Variants in TDRD3 observed in about 807,000 individuals in gnomAD.
TDRD3 encodes tudor domain containing 3, also known as tudor domain-containing protein 3.
TDRD3 carries 45 observed loss-of-function variants against 86.7 expected under a neutral mutation model. The ratio of observed to expected loss-of-function variants is 0.52; its 90% CI spans 0.41 to 0.67. The LOEUF (loss-of-function observed/expected upper bound fraction) is 0.67. TDRD3 is among the 30% of genes least tolerant of loss of function. The pLI, the probability that TDRD3 is intolerant of heterozygous loss-of-function variation, is 0.00. For missense variants in TDRD3, 814 were observed against 889.0 expected (o/e 0.92, Z 1.07); for synonymous variants, 298 against 301.7 (o/e 0.99, Z 0.13).
intron 13 of TDRD3, among the ~76,000 whole-genome samples, chr13:60,572,624 A>T (rs1437568234): frequency 1.3e-5 from 2 of 152,170 alleles, no homozygotes; most frequent in Non-Finnish European, 2.9e-5. Context: ...AGTTAAATAA[A>T]CGCTGACTCA....
At chr13:60,491,725 C>A (rs1323592676) in intron 7 of TDRD3, among the ~76,000 whole-genome samples, 3 of 151,904 alleles carry the variant, frequency 2.0e-5, no homozygotes, top group Non-Finnish European at 4.4e-5. Flanking sequence ...TAAAGTATGA[C>A]CATGCATTTA....
chr13:60,426,217 A>G (rs749503010), intron 1 of TDRD3, among the ~76,000 whole-genome samples: 1 of 152,224 alleles, frequency 6.6e-6, no homozygotes, highest in Non-Finnish European at 1.5e-5. Context: ...GTGCAATATT[A>G]TAAACCAAAA....
intron 2 of TDRD3, among the ~76,000 whole-genome samples, chr13:60,442,874 A>G (rs1698160165): frequency 6.6e-6 from 1 of 151,866 alleles, no homozygotes. Flanking sequence ...AAAGTTTAGG[A>G]TTTTTGTCTA....
intron 1 of TDRD3, among the ~76,000 whole-genome samples, chr13:60,406,020 A>G (rs185256585): frequency 6.6e-4 from 100 of 152,326 alleles, no homozygotes; most frequent in Non-Finnish European, 1.2e-3. Flanking sequence ...ATCAATTACA[A>G]TTCAGTTAGG....
intron 1 of TDRD3, among the ~76,000 whole-genome samples, chr13:60,398,375 GGAGA>G (rs746105989): frequency 2.6e-5 from 4 of 152,176 alleles, no homozygotes; most frequent in Non-Finnish European, 4.4e-5. Flanking sequence ...GGAATGGGAG[GGAGA>G]GTTACTTTCC....
At chr13:60,502,426 A>G (rs1956854204) in intron 8 of TDRD3, among the ~76,000 whole-genome samples, 1 of 152,214 alleles carries the variant, frequency 6.6e-6, no homozygotes, top group African/African-American at 2.4e-5. Flanking sequence ...TATTTTTGGT[A>G]AAAACAAATT....
chr13:60,456,836 C>T (rs761756934), intron 3 of TDRD3, among the ~76,000 whole-genome samples: 4 of 152,078 alleles, frequency 2.6e-5, no homozygotes, highest in Non-Finnish European at 4.4e-5. Flanking sequence ...GCTGCGGCTA[C>T]AAGCACACAC....
chr13:60,444,778 ATTAAT>A, intron 3 of TDRD3, 30 bp downstream of exon 3: 1 of 1,255,306 alleles, frequency 8.0e-7, no homozygotes, highest in Non-Finnish European at 1.1e-6. Flanking sequence ...TCTTACATTA[ATTAAT>A]TTAGTTACAA....
chr13:60,528,604 C>A lies in TDRD3; in HGVS notation c.1379C>A (p.Ser460Tyr). The change falls in exon 11 of 14, where the codon TCT becomes TAT. Residue 460 changes from serine to tyrosine, a missense_variant. Coordinates refer to ENST00000377881, the MANE Select transcript of TDRD3 (RefSeq NM_001146070.2). ...GSERPSTSSV[S>Y]EVWAEDRIKC... is the part of the protein sequence containing the mutation. Reference sequence around the variant, plus strand: ...GAAAGACCAAGTACTTCTTCAGTATCTGAAGTATGGGCTGAAGACAGAATC... The same window carrying A: ...GAAAGACCAAGTACTTCTTCAGTATATGAAGTATGGGCTGAAGACAGAATC... 1 of 1,613,968 alleles carries A rather than the reference C, an allele frequency of 6.2e-7. No individual in the cohort carries two copies. Among genetic ancestry groups the A allele is most frequent in the Non-Finnish European group, 8.5e-7 (1 of 1,179,930 alleles).
intron 1 of TDRD3, among the ~76,000 whole-genome samples, chr13:60,422,682 C>G (rs1442755329): frequency 3.3e-5 from 5 of 151,638 alleles, no homozygotes; most frequent in Non-Finnish European, 7.4e-5. Flanking sequence ...ACAAGATACC[C>G]AAGGGAAAAT....
At chr13:60,479,075 G>T (rs1956258996) in intron 5 of TDRD3, among the ~76,000 whole-genome samples, 1 of 152,000 alleles carries the variant, frequency 6.6e-6, no homozygotes. Flanking sequence ...TCAAAGAGCT[G>T]GGATTAGAGG....
At chr13:60,432,229 G>A (rs956658440) in intron 1 of TDRD3, among the ~76,000 whole-genome samples, 5 of 151,928 alleles carry the variant, frequency 3.3e-5, no homozygotes, top group African/African-American at 1.2e-4. Flanking sequence ...GGAATTCATG[G>A]ATTCATTCAA....
chr13:60,555,329 A>T (rs1020465567), intron 12 of TDRD3, among the ~76,000 whole-genome samples: 11 of 152,226 alleles, frequency 7.2e-5, no homozygotes, highest in African/African-American at 2.7e-4. Flanking sequence ...TTAGAGTTTC[A>T]AAACATGATT....
chr13:60,543,285 C>T (rs1957859709), intron 12 of TDRD3, among the ~76,000 whole-genome samples: 1 of 152,104 alleles, frequency 6.6e-6, no homozygotes, highest in African/African-American at 2.4e-5. Context: ...TTGCCTCATC[C>T]ACCCTGCTTG....
chr13:60,411,163 CTTAG>C (rs1174280484), intron 1 of TDRD3, among the ~76,000 whole-genome samples: 4 of 152,140 alleles, frequency 2.6e-5, no homozygotes, highest in South Asian at 2.1e-4. Flanking sequence ...GTTATAAAGA[CTTAG>C]TTAGCTATGA....
chr13:60,568,702 C>G (rs1958518288), intron 13 of TDRD3, among the ~76,000 whole-genome samples: 1 of 152,056 alleles, frequency 6.6e-6, no homozygotes, highest in Admixed American at 6.5e-5. Flanking sequence ...CCATTTTTAC[C>G]ACTTGTATTC....
intron 12 of TDRD3, among the ~76,000 whole-genome samples, chr13:60,553,987 A>G (rs1958127365): frequency 6.6e-6 from 1 of 152,368 alleles, no homozygotes; most frequent in East Asian, 1.9e-4. Flanking sequence ...CTCCTTTAAG[A>G]TAACAATATT....
intron 8 of TDRD3, among the ~76,000 whole-genome samples, chr13:60,508,986 G>C (rs1325482195): frequency 6.6e-6 from 1 of 152,132 alleles, no homozygotes; most frequent in Non-Finnish European, 1.5e-5. Context: ...ACTTTAAATG[G>C]ACTGTCTTAT....
At chr13:60,464,986 GAT>G (rs1465510958) in intron 4 of TDRD3, among the ~76,000 whole-genome samples, 1 of 152,060 alleles carries the variant, frequency 6.6e-6, no homozygotes, top group Non-Finnish European at 1.5e-5. Flanking sequence ...TGAGGTAATA[GAT>G]ATCTCATTTT....
Sources: gnomAD v4.1 joint callset for allele counts (sites outside exome capture counted in the v4.1 genomes callset) on GRCh38, gnomAD v4.1.1 for gene constraint, MANE v1.5 for transcripts, NCBI Gene and HGNC (gene_info 2026-07-23, HGNC 2026-07-21) for gene names.